Variants in CD58 observed in about 807,000 individuals in gnomAD.
The protein encoded by CD58 is CD58 molecule.
Under a neutral mutation model 27.6 loss-of-function variants are expected in CD58, and 14 were observed. The ratio of observed to expected loss-of-function variants is 0.51; its 90% CI spans 0.34 to 0.79. CD58 has a LOEUF of 0.79. Among genes scored for constraint, CD58 ranks in the 30% least tolerant of loss-of-function variants. The probability of loss-of-function intolerance (pLI) is 0.02; values close to 1 mark genes in which losing one functional copy is unlikely to be tolerated. For synonymous variants in CD58, 117 were observed against 103.8 expected (o/e 1.13, Z -0.77); for missense variants, 268 against 301.7 (o/e 0.89, Z 0.83).
At position 116,570,954 on chromosome 1, in the gene CD58, C is replaced by A; in HGVS notation, c.19G>T (p.Ala7Ser). ...CTGAGGACCCCCAGGGCCCGCCCCG[C>A]GTCGCTCCCAGCAACCATGGCTCGT... The part of the protein sequence containing the change: MVAGSD[A>S]GRALGVLSVV... Residue 7 changes from alanine (A) to serine (S), a missense_variant, in exon 1 of 6, where the codon GCG (alanine) becomes TCG (serine). Transcript: ENST00000369489. The surrounding 1 kb of genome is among the most constrained non-coding windows in gnomAD (Gnocchi z 6.4). 1 of 1,563,382 alleles carries A rather than the reference C, an allele frequency of 6.4e-7. No individual in the cohort carries two copies. Among genetic ancestry groups the A allele is most frequent in the Non-Finnish European group, 8.6e-7 (1 of 1,161,236 alleles).
intron 1 of CD58, among the ~76,000 whole-genome samples, chr1:116,558,153 C>CA (rs34264439): frequency 0.26 from 24,922 of 94,966 alleles, 2,812 homozygotes; most frequent in East Asian, 0.63. Flanking sequence ...TTCATTTGAC[C>CA]AAAAAAAAAA....
rs900833363 is a variant in CD58, at chr1:116,532,126, G to C, written c.628+3839C>G. Among the ~76,000 whole-genome samples, 6 of 152,244 alleles carry C rather than the reference G, an allele frequency of 3.9e-5. No individual in the cohort carries two copies. Among genetic ancestry groups the C allele is most frequent in the African/African-American group, 1.4e-4 (6 of 41,474 alleles). On this transcript the variant is annotated intron_variant, in intron 3 of 5. Coordinates refer to ENST00000369489, the MANE Select transcript of CD58 (RefSeq NM_001779.3). This position sits in a 1 kb window ranked among gnomAD's most constrained non-coding sequence, Gnocchi z 5.1. ...GGCAGCAGGGCGGTGCCTGTGTCAC[G>C]AGGACAGGCTCGCGTCTTCAGCCCT...
In CD58 at chr1:116,544,336, G is replaced by T. The variant is rs1426095348; in HGVS notation, c.339C>A (p.Thr113=). The change falls in exon 2 of 6, where the codon ACC becomes ACA. Residue 113 remains threonine (T), a synonymous_variant. Transcript: ENST00000369489. ...YEMESPNITD[T]MKFFLYVLES... ...CAAGCACATAAAGAAAGAACTTCAT[G>T]GTATCAGTAATATTTGGCGATTCCA... 10 of 1,605,696 alleles carry T rather than the reference G, an allele frequency of 6.2e-6. No homozygotes were observed. The highest frequency in any genetic ancestry group is 3.4e-5 in the Admixed American group (2 of 58,784).
At chr1:116,530,759 C>G (rs1657577658) in intron 3 of CD58, among the ~76,000 whole-genome samples, 1 of 151,512 alleles carries the variant, frequency 6.6e-6, no homozygotes, top group Non-Finnish European at 1.5e-5. Context: ...TGGTTCCACA[C>G]AAAAGCATTC....
chr1:116,545,623 AT>A lies in CD58; in HGVS notation c.71-1020del, dbSNP rs1193069690. On this transcript the variant is annotated intron_variant, in intron 1 of 5. Coordinates refer to ENST00000369489, the MANE Select transcript of CD58 (RefSeq NM_001779.3). Reference sequence around the variant, plus strand: ...GGCTGGGAAGCAAGTCGAGGGTGTGATGAAGATTAAGAACTCAGGGATTGGG... The same window carrying A: ...GGCTGGGAAGCAAGTCGAGGGTGTGAGAAGATTAAGAACTCAGGGATTGGG... 3.9e-5 allele frequency among the ~76,000 whole-genome samples: 6 copies of A among 152,284 alleles called. No homozygotes were observed. In the East Asian group the frequency reaches 7.7e-4, roughly 20 times the overall value.
Position 116,556,852 on chromosome 1 carries a change from C to A in CD58, c.71-12248G>T, listed in dbSNP as rs12023279. ...GCACCAGTGAGCCTACAGGGAGGGG[C>A]CTGCCATGTGGAAACAGGAGCTGTG... is the stretch of plus-strand genomic sequence containing the variant. On this transcript the variant is annotated intron_variant, in intron 1 of 5. Coordinates refer to ENST00000369489, the MANE Select transcript of CD58 (RefSeq NM_001779.3). 3.9e-5 allele frequency among the ~76,000 whole-genome samples: 6 copies of A among 152,272 alleles called. No homozygotes were observed. The East Asian group carries it at 1.2e-3, about 29-fold the overall frequency.
At chr1:116,543,014 A>C (rs2101187521) in intron 2 of CD58, among the ~76,000 whole-genome samples, 1 of 152,364 alleles carries the variant, frequency 6.6e-6, no homozygotes, top group South Asian at 2.1e-4. Flanking sequence ...TACCAACTTA[A>C]TTGAGGTAAG....
intron 1 of CD58, among the ~76,000 whole-genome samples, chr1:116,547,322 T>C (rs1658213759): frequency 6.6e-6 from 1 of 150,724 alleles, no homozygotes; most frequent in Non-Finnish European, 1.5e-5. Flanking sequence ...ATTATTTTGT[T>C]CTTTTTTTTT....
chr1:116,547,758 ATGT>A (rs879520251), intron 1 of CD58, among the ~76,000 whole-genome samples: 7 of 152,118 alleles, frequency 4.6e-5, no homozygotes, highest in Non-Finnish European at 8.8e-5. Flanking sequence ...CACTATAAAG[ATGT>A]TGTGTGCAAC....
At position 116,563,222 on chromosome 1, in the gene CD58, G is replaced by C. The variant is rs928054960; in HGVS notation, c.70+7681C>G. 2.0e-5 allele frequency among the ~76,000 whole-genome samples: 3 copies of C among 152,178 alleles called. No homozygotes were observed. The highest frequency in any genetic ancestry group is 7.2e-5 in the African/African-American group (3 of 41,456). Reference sequence around the variant, plus strand: ...CTTTGACTCCATGCCTCACATCCAGGTGACGCAAGAGATGGGCTCCCACAA... The same window carrying C: ...CTTTGACTCCATGCCTCACATCCAGCTGACGCAAGAGATGGGCTCCCACAA... On this transcript the variant is annotated intron_variant, in intron 1 of 5. Transcript: ENST00000369489. This position sits in a 1 kb window ranked among gnomAD's most constrained non-coding sequence, Gnocchi z 4.1.
At chr1:116,533,746 G>A in intron 3 of CD58, 1 of 704,846 alleles carries the variant, frequency 1.4e-6, no homozygotes. Context: ...ATCAGATGTT[G>A]GTTCAACATC....
chr1:116,551,320 T>C (rs147726756), intron 1 of CD58, among the ~76,000 whole-genome samples: 1 of 152,350 alleles, frequency 6.6e-6, no homozygotes, highest in Non-Finnish European at 1.5e-5. Context: ...TAATCTTAGA[T>C]CTTCTGGATA....
chr1:116,547,609 A>G (rs568384698), intron 1 of CD58, among the ~76,000 whole-genome samples: 47 of 152,190 alleles, frequency 3.1e-4, no homozygotes, highest in Middle Eastern at 3.4e-3. Flanking sequence ...GATTACAGAC[A>G]CGAGCCACCG....
chr1:116,544,223 T>C (rs1234361245), intron 2 of CD58, 88 bp downstream of exon 2: 3 of 878,368 alleles, frequency 3.4e-6, no homozygotes, highest in African/African-American at 3.4e-5. Context: ...TCTTTTCTCA[T>C]AGACCATTAA....
chr1:116,558,153 CAA>C (rs34264439), intron 1 of CD58, among the ~76,000 whole-genome samples: 33 of 95,074 alleles, frequency 3.5e-4, no homozygotes, highest in Non-Finnish European at 4.4e-4. Context: ...TTCATTTGAC[CAA>C]AAAAAAAAAA....
intron 1 of CD58, among the ~76,000 whole-genome samples, chr1:116,568,859 C>T (rs577604399): frequency 1.3e-5 from 2 of 152,334 alleles, no homozygotes; most frequent in African/African-American, 4.8e-5. Context: ...GCATCTGACC[C>T]CAGAGCTGAT....
chr1:116,562,476 C>T (rs536202197), intron 1 of CD58, among the ~76,000 whole-genome samples: 1 of 152,260 alleles, frequency 6.6e-6, no homozygotes, highest in Non-Finnish European at 1.5e-5. Context: ...GCGTGCACCA[C>T]CACACCTGGC....
At chr1:116,555,339 G>C (rs1190985395) in intron 1 of CD58, among the ~76,000 whole-genome samples, 1 of 152,040 alleles carries the variant, frequency 6.6e-6, no homozygotes, top group East Asian at 1.9e-4. Context: ...CATGGAATAG[G>C]CTTTCAAAGG....
rs1462315748 is a variant in CD58 at position 116,517,205 on chromosome 1, C to G, written c.743+2026G>C. Among the ~76,000 whole-genome samples, 1 of 152,104 alleles carries G rather than the reference C, an allele frequency of 6.6e-6. No homozygotes were observed. Among genetic ancestry groups the G allele is most frequent in the Admixed American group, 6.5e-5 (1 of 15,268 alleles). ...ACTCACCTGGGGCTCACGCATATTG[C>G]TCAGATCTGAAATGCCTTCCTCTGA... On this transcript the variant is annotated intron_variant, in intron 5 of 5. Transcript: ENST00000369489. This position sits in a 1 kb window ranked among gnomAD's most constrained non-coding sequence, Gnocchi z 6.5.
Sources: allele counts gnomAD v4.1 joint callset (sites outside exome capture counted in the v4.1 genomes callset), GRCh38; gene constraint gnomAD v4.1.1; non-coding constraint Gnocchi (gnomAD v3.1); transcripts MANE v1.5; gene names NCBI Gene and HGNC (gene_info 2026-07-23, HGNC 2026-07-21).